Variants in PPM1L observed in about 807,000 individuals in gnomAD.
PPM1L encodes the protein protein phosphatase, Mg2+/Mn2+ dependent 1L, also known as protein phosphatase 1L.
PPM1L carries 13 observed loss-of-function variants against 31.4 expected under a neutral mutation model. That is an observed-to-expected ratio of 0.41 (90% CI 0.27 to 0.66). The LOEUF (loss-of-function observed/expected upper bound fraction) is 0.66, where lower values mean the gene tolerates loss of function less well. Among genes scored for constraint, PPM1L ranks in the 30% least tolerant of loss-of-function variants. The pLI is 0.29. For synonymous variants in PPM1L, 184 were observed against 175.4 expected (o/e 1.05, Z -0.39); for missense variants, 326 against 453.7 (o/e 0.72, Z 2.56).
At chr3:160,975,428 A>T (rs1326153215) in intron 2 of PPM1L, among the ~76,000 whole-genome samples, 3 of 152,170 alleles carry the variant, frequency 2.0e-5, no homozygotes, top group African/African-American at 4.8e-5. Context: ...CGGTAGCTTG[A>T]TGGGGATGGC....
At chr3:161,058,899 C>T (rs1719496576) in intron 2 of PPM1L, among the ~76,000 whole-genome samples, 1 of 152,154 alleles carries the variant, frequency 6.6e-6, no homozygotes, top group African/African-American at 2.4e-5. Flanking sequence ...TTTTCTCAAG[C>T]TCTACTTGTC....
chr3:161,063,833 G>A (rs1422349100), intron 2 of PPM1L, among the ~76,000 whole-genome samples: 1 of 152,174 alleles, frequency 6.6e-6, no homozygotes, highest in Non-Finnish European at 1.5e-5. Flanking sequence ...GGAATACTAT[G>A]CAGCCATAAA....
At chr3:160,944,843 A>C (rs1226892923) in intron 1 of PPM1L, among the ~76,000 whole-genome samples, 4 of 25,408 alleles carry the variant, frequency 1.6e-4, no homozygotes, top group Non-Finnish European at 7.2e-5. Flanking sequence ...TATATATGTT[A>C]TATATAACAT....
intron 1 of PPM1L, among the ~76,000 whole-genome samples, chr3:160,772,007 G>A (rs1715270237): frequency 6.6e-6 from 1 of 152,070 alleles, no homozygotes. Flanking sequence ...GTACCTTCAG[G>A]CCTGACCTGT....
At chr3:160,766,500 C>T (rs1229311462) in intron 1 of PPM1L, among the ~76,000 whole-genome samples, 2 of 152,074 alleles carry the variant, frequency 1.3e-5, no homozygotes, top group South Asian at 4.1e-4. Context: ...GGCTTTTCCC[C>T]TCTTTCCACT....
intron 3 of PPM1L, among the ~76,000 whole-genome samples, chr3:161,068,389 A>G (rs1295769204): frequency 1.3e-5 from 2 of 152,164 alleles, no homozygotes; most frequent in African/African-American, 2.4e-5. Flanking sequence ...TGAGACCTAT[A>G]TAGGCACACT....
rs150384349 is a variant in PPM1L at position 161,055,721 on chromosome 3, C to T, written c.575-9682C>T. On this transcript the variant is annotated intron_variant, in intron 2 of 3. Coordinates refer to ENST00000498165, the MANE Select transcript of PPM1L (RefSeq NM_139245.4). The stretch of plus-strand genomic sequence containing the variant: ...GTGCCTATCTCTCTATGTCTCGCCC[C>T]CTTTCGCCTCCTCCCCTTCCTCACC... Among the ~76,000 whole-genome samples the T allele has an allele frequency of 2.6e-5, 4 of 152,076 alleles. No homozygotes were observed. The East Asian group carries it at 7.7e-4, about 29-fold the overall frequency.
chr3:160,762,152 T>C (rs1426828522), intron 1 of PPM1L, among the ~76,000 whole-genome samples: 1 of 152,246 alleles, frequency 6.6e-6, no homozygotes, highest in East Asian at 1.9e-4. Context: ...AATGATCTGC[T>C]TTTCAGACAT....
intron 1 of PPM1L, among the ~76,000 whole-genome samples, chr3:160,944,871 A>ATATAACATATATATGT (rs1406533907): frequency 8.2e-5 from 2 of 24,522 alleles, no homozygotes; most frequent in African/African-American, 2.2e-4. Flanking sequence ...ATATAATGTT[A>ATATAACATATATATGT]TATATAACAT....
chr3:160,777,262 A>G (rs1446573421), intron 1 of PPM1L, among the ~76,000 whole-genome samples: 1 of 152,144 alleles, frequency 6.6e-6, no homozygotes, highest in Non-Finnish European at 1.5e-5. Flanking sequence ...TTGACGTTGC[A>G]GTGAGCCATG....
At chr3:160,896,843 C>T (rs984289946) in intron 1 of PPM1L, among the ~76,000 whole-genome samples, 10 of 152,064 alleles carry the variant, frequency 6.6e-5, no homozygotes, top group African/African-American at 2.4e-4. Flanking sequence ...ATAAAAAGGT[C>T]ATTTGAAAAT....
intron 2 of PPM1L, among the ~76,000 whole-genome samples, chr3:161,021,567 A>T (rs2108072399): frequency 6.6e-6 from 1 of 151,852 alleles, no homozygotes; most frequent in Non-Finnish European, 1.5e-5. Context: ...TCTTTTATTT[A>T]TTTATTTCCT....
chr3:160,803,718 T>C (rs889670388), intron 1 of PPM1L, among the ~76,000 whole-genome samples: 1 of 152,256 alleles, frequency 6.6e-6, no homozygotes, highest in Non-Finnish European at 1.5e-5. Context: ...ACTGCTGTTA[T>C]TTCTTTATTT....
intron 2 of PPM1L, among the ~76,000 whole-genome samples, chr3:161,031,976 G>T (rs1181128765): frequency 6.6e-6 from 1 of 152,176 alleles, no homozygotes; most frequent in Non-Finnish European, 1.5e-5. Flanking sequence ...GAAGAAAAGA[G>T]AAAGAAAGAG....
chr3:160,806,711 C>G (rs1411537270), intron 1 of PPM1L, among the ~76,000 whole-genome samples: 2 of 150,102 alleles, frequency 1.3e-5, no homozygotes, highest in South Asian at 2.1e-4. Flanking sequence ...TCGAATGTAG[C>G]CTGAGCAACA....
intron 2 of PPM1L, among the ~76,000 whole-genome samples, chr3:160,979,717 T>C (rs1343714183): frequency 6.6e-6 from 1 of 152,036 alleles, no homozygotes; most frequent in Non-Finnish European, 1.5e-5. Flanking sequence ...AATTTTTAAC[T>C]TTGTCCATGT....
intron 1 of PPM1L, among the ~76,000 whole-genome samples, chr3:160,868,620 G>A (rs1712178290): frequency 1.3e-5 from 2 of 151,916 alleles, no homozygotes; most frequent in African/African-American, 2.4e-5. Flanking sequence ...CTAAAACCTA[G>A]TCTGAGGAAT....
chr3:160,806,086 G>A (rs1712593328), intron 1 of PPM1L, among the ~76,000 whole-genome samples: 1 of 152,082 alleles, frequency 6.6e-6, no homozygotes, highest in Admixed American at 6.5e-5. Flanking sequence ...ACTAGTCTGA[G>A]CCCTCTAGGT....
At chr3:160,826,054 G>A (rs943784893) in intron 1 of PPM1L, among the ~76,000 whole-genome samples, 6 of 152,050 alleles carry the variant, frequency 3.9e-5, no homozygotes, top group Admixed American at 2.6e-4. Flanking sequence ...GACTTGTTCT[G>A]CCTGCCAGAC....
Sources: gnomAD v4.1 joint callset for allele counts (sites outside exome capture counted in the v4.1 genomes callset) on GRCh38, gnomAD v4.1.1 for gene constraint, MANE v1.5 for transcripts, NCBI Gene and HGNC (gene_info 2026-07-23, HGNC 2026-07-21) for gene names.